The following COL9A1 variants were observed in gnomAD, a reference collection of about 807,000 sequenced individuals.
The protein encoded by COL9A1 is collagen alpha-1(IX) chain.
In COL9A1, 104 loss-of-function variants were observed where a neutral mutation model predicts 142.6. The observed-to-expected ratio is 0.73, with a 90% CI of 0.62 to 0.86. COL9A1 has a LOEUF of 0.86. Among genes scored for constraint, COL9A1 ranks in the 40% least tolerant of loss-of-function variants. The pLI is 0.00. For missense variants in COL9A1, 1,210 were observed against 1,176.6 expected (o/e 1.03, Z -0.42); for synonymous variants, 466 against 396.0 (o/e 1.18, Z -2.10).
chr6:70,281,017 G>T lies in COL9A1; in HGVS notation c.899C>A (p.Pro300His), dbSNP rs757897415. 1.9e-6 allele frequency: 3 copies of T among 1,613,248 alleles called. No individual in the cohort carries two copies. In the African/African-American group the frequency reaches 4.0e-5, roughly 22 times the overall value. ...CAATCAACTTACCGGGGGGCCCGGG[G>T]GGCCCTTAGGACCTCGGTCACCCTG... is the stretch of plus-strand genomic sequence containing the variant. ...GIDGDRGPKGPPGPPGPAGEP... is the reference protein window; with the variant it reads ...GIDGDRGPKGHPGPPGPAGEP... The change falls in exon 9 of 38, where the codon CCC becomes CAC. Residue 300 changes from proline to histidine, a missense_variant. Transcript: ENST00000357250.
chr6:70,280,948 C>T (rs1358970291), intron 9 of COL9A1, 56 bp downstream of exon 9: 2 of 1,612,682 alleles, frequency 1.2e-6, no homozygotes, highest in Non-Finnish European at 1.7e-6. Context: ...AAACAGGGGG[C>T]TGCAAAACAC....
rs774717953 is a variant in COL9A1, at chr6:70,270,338, G to A, written c.1173C>T (p.Gly391=). The part of the protein sequence containing the change: ...VGDPGRRGPP[G]PPGPPGPRGT... ...CTCTGGGTCCTGGGGGGCCAGGGGG[G>A]CCAGGTGGTCCTCTTCTCCCAGGGT... Residue 391 remains glycine, a synonymous_variant, in exon 15 of 38, where the codon GGC becomes GGT. Transcript: ENST00000357250. 90 of 1,613,690 alleles carry A rather than the reference G, an allele frequency of 5.6e-5. No homozygotes were observed. The highest frequency in any genetic ancestry group is 7.2e-5 in the Non-Finnish European group (85 of 1,179,836).
chr6:70,284,278 A>C (rs1773351488), intron 5 of COL9A1, among the ~76,000 whole-genome samples: 1 of 152,100 alleles, frequency 6.6e-6, no homozygotes, highest in South Asian at 2.1e-4. Flanking sequence ...GATTAGAGAC[A>C]GAAAAAAAAA....
At chr6:70,228,599 G>GA (rs1355558986) in intron 36 of COL9A1, among the ~76,000 whole-genome samples, 4 of 151,900 alleles carry the variant, frequency 2.6e-5, no homozygotes, top group Non-Finnish European at 4.4e-5. Flanking sequence ...AACAAAAACA[G>GA]AAAAAATATC....
Position 70,302,356 on chromosome 6 carries a change from C to T in COL9A1, c.15-282G>A, listed in dbSNP as rs1291850093. ...TCCTGAGTAACTGGGATTACAGGCA[C>T]GTGCCACCACACCCAGTTACTTTTT... On this transcript the variant is annotated intron_variant, in intron 1 of 37. Transcript: ENST00000357250. 4.6e-5 allele frequency among the ~76,000 whole-genome samples: 7 copies of T among 151,872 alleles called. No homozygotes were observed. The East Asian group carries it at 9.7e-4, about 21-fold the overall frequency.
intron 37 of COL9A1, among the ~76,000 whole-genome samples, chr6:70,223,989 G>GTGGTGATCCC (rs1769062901): frequency 3.3e-5 from 5 of 152,168 alleles, no homozygotes; most frequent in Non-Finnish European, 7.4e-5. Flanking sequence ...AACGATTTTG[G>GTGGTGATCCC]AGGTGATCCC....
At chr6:70,234,260 A>G (rs536194074) in intron 35 of COL9A1, among the ~76,000 whole-genome samples, 11 of 146,660 alleles carry the variant, frequency 7.5e-5, no homozygotes, top group Non-Finnish European at 1.5e-4. Flanking sequence ...GTGTGTGTGC[A>G]CTTTGTTATA....
At chr6:70,286,029 C>G (rs1773438535) in intron 5 of COL9A1, among the ~76,000 whole-genome samples, 3 of 152,144 alleles carry the variant, frequency 2.0e-5, no homozygotes, top group Admixed American at 6.5e-5. Flanking sequence ...GCTGGGACAA[C>G]AGGCGCCCAC....
At chr6:70,302,343 G>A (rs907175020) in intron 1 of COL9A1, among the ~76,000 whole-genome samples, 1 of 151,248 alleles carries the variant, frequency 6.6e-6, no homozygotes, top group Non-Finnish European at 1.5e-5. Context: ...CTGAGTAACT[G>A]GGATTACAGG....
intron 17 of COL9A1, 97 bp downstream of exon 17, chr6:70,268,707 A>G (rs1369973235): frequency 9.2e-7 from 1 of 1,082,728 alleles, no homozygotes; most frequent in Non-Finnish European, 1.4e-6. Context: ...CTGATCATCC[A>G]AGTGGGGTCT....
At chr6:70,236,338 T>C (rs1007451768) in intron 33 of COL9A1, among the ~76,000 whole-genome samples, 13 of 152,206 alleles carry the variant, frequency 8.5e-5, no homozygotes, top group African/African-American at 2.6e-4. Flanking sequence ...GAGACCAAAT[T>C]AATTCACTTT....
rs1346331922 is a variant in COL9A1 at position 70,285,920 on chromosome 6, C to T, written c.697-2100G>A. Among the ~76,000 whole-genome samples, 6 of 152,020 alleles carry T rather than the reference C, an allele frequency of 3.9e-5. No homozygotes were observed. The East Asian group carries it at 5.8e-4, about 15-fold the overall frequency. On this transcript the variant is annotated intron_variant, in intron 5 of 37. Transcript: ENST00000357250. ...TTTTTATTTTTTTTAGATGAAGTCT[C>T]GCTCTGTTGCCAGGCTGGAGTGCAG...
At chr6:70,257,205 C>T (rs367873015) in intron 20 of COL9A1, among the ~76,000 whole-genome samples, 81 of 152,062 alleles carry the variant, frequency 5.3e-4, no homozygotes, top group African/African-American at 1.8e-3. Flanking sequence ...GGACTACAGG[C>T]GCACGCCGTC....
At chr6:70,262,177 G>A (rs1319861749) in intron 19 of COL9A1, among the ~76,000 whole-genome samples, 1 of 147,940 alleles carries the variant, frequency 6.8e-6, no homozygotes, top group Non-Finnish European at 1.5e-5. Context: ...AAAAAAAAAA[G>A]CATATGTCTC....
intron 37 of COL9A1, among the ~76,000 whole-genome samples, chr6:70,223,667 C>G (rs571820513): frequency 1.5e-4 from 23 of 152,388 alleles, no homozygotes; most frequent in Non-Finnish European, 3.2e-4. Flanking sequence ...GCGCACTACA[C>G]GAGGACACCG....
intron 5 of COL9A1, among the ~76,000 whole-genome samples, chr6:70,290,105 A>G (rs1482248791): frequency 1.3e-5 from 2 of 152,116 alleles, no homozygotes; most frequent in African/African-American, 4.8e-5. Flanking sequence ...AAAAAGAAGG[A>G]TGGTTTGAAT....
chr6:70,285,673 G>C (rs781005313), intron 5 of COL9A1, among the ~76,000 whole-genome samples: 1 of 152,244 alleles, frequency 6.6e-6, no homozygotes, highest in African/African-American at 2.4e-5. Flanking sequence ...TCCACACTGG[G>C]TTTATAATTT....
Position 70,280,274 on chromosome 6 carries a change from C to A in COL9A1, c.975+538G>T, listed in dbSNP as rs7764042. The stretch of plus-strand genomic sequence containing the variant: ...AAATCTAGTTTTGAATTTCTAAATT[C>A]CCCGCACATCCCCACTCACTTCAAG... On this transcript the variant is annotated intron_variant, in intron 10 of 37. Transcript: ENST00000357250. 20 of 1,237,354 alleles carry A rather than the reference C, an allele frequency of 1.6e-5. No homozygotes were observed. The South Asian group carries it at 6.2e-4, about 39-fold the overall frequency. 76.6% of individuals were successfully genotyped at this position (1,237,354 alleles called of 1,614,324 possible).
chr6:70,262,425 G>T (rs72924908), intron 19 of COL9A1, among the ~76,000 whole-genome samples: 1 of 151,998 alleles, frequency 6.6e-6, no homozygotes, highest in Non-Finnish European at 1.5e-5. Flanking sequence ...TGCACAGCTC[G>T]CTGAACCCTT....
Sources: gnomAD v4.1 joint callset for allele counts (sites outside exome capture counted in the v4.1 genomes callset) on GRCh38, gnomAD v4.1.1 for gene constraint, MANE v1.5 for transcripts, NCBI Gene and HGNC (gene_info 2026-07-23, HGNC 2026-07-21) for gene names.